Variants in ACTN4 observed in about 807,000 individuals in gnomAD.
The protein encoded by ACTN4 is alpha-actinin-4.
A neutral mutation model predicts 114.2 loss-of-function variants in ACTN4; 18 were observed. The ratio of observed to expected loss-of-function variants is 0.16; its 90% confidence interval spans 0.11 to 0.23. ACTN4 has a LOEUF of 0.23. Among genes scored for constraint, ACTN4 ranks in the 10% least tolerant of loss-of-function variants. The pLI is 1.00. For missense variants in ACTN4, 722 were observed against 1,262.9 expected, an observed-to-expected ratio of 0.57 and a Z score of 6.49; for synonymous variants, 515 against 506.3, an observed-to-expected ratio of 1.02 and a Z score of -0.23.
At chr19:38,729,236 G>T in intron 20 of ACTN4, 38 bp from the exon 21 acceptor site, 1 of 1,612,354 alleles carries the variant, frequency 6.2e-7, no homozygotes, top group Non-Finnish European at 8.5e-7. Flanking sequence ...CCAGTGTGTG[G>T]GTGGGGATGG....
chr19:38,658,346 C>T (rs1976772618), intron 1 of ACTN4, among the ~76,000 whole-genome samples: 1 of 152,160 alleles, frequency 6.6e-6, no homozygotes, highest in African/African-American at 2.4e-5. Context: ...ATGCCTGTAT[C>T]TTTTGCCTAC....
At chr19:38,667,706 CAAA>C (rs77347323) in intron 1 of ACTN4, among the ~76,000 whole-genome samples, 2 of 129,404 alleles carry the variant, frequency 1.5e-5, no homozygotes. Context: ...TTTCTTCCAC[CAAA>C]AAAAAAAAAA....
chr19:38,684,194 A>G (rs1414816013), intron 1 of ACTN4, among the ~76,000 whole-genome samples: 1 of 152,234 alleles, frequency 6.6e-6, no homozygotes, highest in Non-Finnish European at 1.5e-5. Context: ...TAAGTGCTCA[A>G]TAAATGTGAG....
chr19:38,666,622 A>C (rs983590212), intron 1 of ACTN4, among the ~76,000 whole-genome samples: 2 of 152,184 alleles, frequency 1.3e-5, no homozygotes, highest in African/African-American at 2.4e-5. Flanking sequence ...CACGGCTGGG[A>C]CTGTGCATAT....
rs532401472 is a variant in ACTN4 at position 38,664,494 on chromosome 19, C to T, written c.162+16587C>T. 7.9e-5 allele frequency among the ~76,000 whole-genome samples: 12 copies of T among 152,232 alleles called. No individual in the cohort carries two copies. The South Asian group carries it at 2.3e-3, about 29-fold the overall frequency. On this transcript the variant is annotated intron_variant, in intron 1 of 20. Coordinates refer to ENST00000252699, the MANE Select transcript of ACTN4 (RefSeq NM_004924.6). ...ATAACACATGACAGCTGTAATATAG[C>T]TCAGTTCGTGCAAGTAAGGTAGGGG...
At chr19:38,676,522 C>T (rs147550794) in intron 1 of ACTN4, among the ~76,000 whole-genome samples, 37 of 152,282 alleles carry the variant, frequency 2.4e-4, no homozygotes, top group Non-Finnish European at 2.9e-4. Flanking sequence ...TCAGAGTGCA[C>T]GGGAGGAGGC....
At chr19:38,662,520 G>A (rs973163510) in intron 1 of ACTN4, among the ~76,000 whole-genome samples, 7 of 152,250 alleles carry the variant, frequency 4.6e-5, no homozygotes, top group African/African-American at 1.7e-4. Flanking sequence ...GCATAGCCAT[G>A]TGAACTTGTT....
intron 1 of ACTN4, among the ~76,000 whole-genome samples, chr19:38,672,481 C>T (rs1967161679): frequency 6.7e-6 from 1 of 150,330 alleles, no homozygotes; most frequent in South Asian, 2.1e-4. Context: ...CCTCAAGTGA[C>T]CCACTCGCCT....
chr19:38,705,910 G>A, intron 4 of ACTN4, 134 bp from the exon 5 acceptor site: 1 of 833,078 alleles, frequency 1.2e-6, no homozygotes, highest in Non-Finnish European at 2.0e-6. Context: ...CACTGCTGCT[G>A]TTGTTAGGAC....
intron 3 of ACTN4, 116 bp downstream of exon 3, chr19:38,701,237 CAG>C (rs148829895): frequency 6.6e-7 from 1 of 1,505,544 alleles, no homozygotes; most frequent in East Asian, 2.3e-5. Context: ...TTGGGGCACT[CAG>C]AGCCCCAGTA....
Position 38,724,001 on chromosome 19 carries a change from C to G in ACTN4, c.1616C>G (p.Pro539Arg). The change falls in exon 14 of 21, where the codon CCC becomes CGC. Residue 539 changes from proline to arginine, a missense_variant. This residue lies in a region of ACTN4 where 523 missense variants were observed against 875.9 expected (regional missense o/e 0.60). Transcript: ENST00000252699. This position sits in a 1 kb window ranked among gnomAD's most constrained non-coding sequence, Gnocchi z 7.0. ...LHLEYAKRAAPFNNWMESAME... is the reference protein window; with the variant it reads ...LHLEYAKRAARFNNWMESAME... ...CTGGAATACGCCAAGCGCGCGGCCC[C>G]CTTCAACAACTGGATGGAGAGCGCC... 1 of 1,613,862 alleles carries G rather than the reference C, an allele frequency of 6.2e-7. No homozygotes were observed. The highest frequency in any genetic ancestry group is 8.5e-7 in the Non-Finnish European group (1 of 1,180,002).
chr19:38,721,133 T>G (rs939723227), intron 11 of ACTN4, among the ~76,000 whole-genome samples: 3 of 152,172 alleles, frequency 2.0e-5, no homozygotes, highest in African/African-American at 7.2e-5. Context: ...ATGCTTCCCC[T>G]TCCCCAAGCC....
At chr19:38,688,390 C>CAAA (rs35793948) in intron 1 of ACTN4, among the ~76,000 whole-genome samples, 25,818 of 80,202 alleles carry the variant, frequency 0.32, 3,736 homozygotes, top group Non-Finnish European at 0.4. Context: ...TTGTCTCTAC[C>CAAA]AAAAAAAAAA....
chr19:38,673,663 A>ATTCATATATAT (rs1218577475), intron 1 of ACTN4, among the ~76,000 whole-genome samples: 2 of 14,908 alleles, frequency 1.3e-4, no homozygotes, highest in African/African-American at 3.0e-4. Flanking sequence ...ATTTATATAT[A>ATTCATATATAT]TTATATATAT....
At chr19:38,722,100 G>A (rs1004774957) in intron 12 of ACTN4, among the ~76,000 whole-genome samples, 6 of 152,168 alleles carry the variant, frequency 3.9e-5, no homozygotes, top group Non-Finnish European at 8.8e-5. Flanking sequence ...TGTTCTGCTC[G>A]GCCCCTTCCC....
At chr19:38,715,928 T>C (rs918006431) in intron 9 of ACTN4, among the ~76,000 whole-genome samples, 3 of 152,142 alleles carry the variant, frequency 2.0e-5, no homozygotes, top group Non-Finnish European at 4.4e-5. Flanking sequence ...TGAGATGGAG[T>C]TTCACTCTTG....
intron 19 of ACTN4, chr19:38,728,451 C>CCT: frequency 6.3e-6 from 4 of 634,222 alleles, no homozygotes; most frequent in Non-Finnish European, 4.7e-6. Context: ...CTCCTCCTCC[C>CCT]CCCCACCTCT....
chr19:38,647,799 G>A lies in ACTN4; in HGVS notation c.54G>A (p.Ala18=). 1 of 1,554,802 alleles carries A rather than the reference G, an allele frequency of 6.4e-7. No homozygotes were observed. The highest frequency in any genetic ancestry group is 1.2e-5 in the South Asian group (1 of 84,434). The part of the protein sequence containing the change: ...NQSYQYGPSS[A]GNGAGGGGSM... ...CGTACCAGTACGGCCCCAGCAGCGC[G>A]GGCAATGGCGCTGGCGGCGGGGGCA... Residue 18 remains alanine (A), a synonymous_variant, in exon 1 of 21, where the codon GCG becomes GCA. Transcript: ENST00000252699.
intron 1 of ACTN4, among the ~76,000 whole-genome samples, chr19:38,670,879 C>T (rs1178906113): frequency 6.6e-6 from 1 of 150,688 alleles, no homozygotes; most frequent in Non-Finnish European, 1.5e-5. Flanking sequence ...GCTGAGATGT[C>T]GCCATTGCAC....
Sources: gnomAD v4.1 joint callset for allele counts (sites outside exome capture counted in the v4.1 genomes callset) on GRCh38, gnomAD v4.1.1 for gene constraint, gnomAD v4.1.1 regional missense constraint, Gnocchi (gnomAD v3.1) non-coding constraint, MANE v1.5 for transcripts, NCBI Gene and HGNC (gene_info 2026-07-23, HGNC 2026-07-21) for gene names.